Variants in KMT2C observed in about 807,000 individuals in gnomAD.
The protein encoded by KMT2C is lysine methyltransferase 2C, also known as histone-lysine N-methyltransferase 2C.
A neutral mutation model predicts 507.9 loss-of-function variants in KMT2C; 88 were observed. The ratio of observed to expected loss-of-function variants is 0.17; its 90% confidence interval spans 0.15 to 0.21. KMT2C has a LOEUF of 0.21. KMT2C is among the 10% of genes least tolerant of loss of function. The pLI, the probability that KMT2C is intolerant of heterozygous loss-of-function variation, is 1.00. For synonymous variants in KMT2C, 2,049 were observed against 2,080.8 expected (o/e 0.98, Z 0.42); for missense variants, 4,954 against 5,957.8 (o/e 0.83, Z 5.55).
At chr7:152,376,424 T>G (rs1323672133) in intron 1 of KMT2C, among the ~76,000 whole-genome samples, 1 of 152,216 alleles carries the variant, frequency 6.6e-6, no homozygotes, top group Non-Finnish European at 1.5e-5. Context: ...CTAGACCTCT[T>G]GTACCACTCA....
chr7:152,167,002 G>A (rs1467453048), intron 42 of KMT2C, 144 bp downstream of exon 42: 2 of 634,016 alleles, frequency 3.2e-6, no homozygotes, highest in Non-Finnish European at 5.5e-6. Context: ...AGGTCTCAGA[G>A]CTGTCACTTT....
At chr7:152,141,620 G>T (rs1233163194) in intron 55 of KMT2C, among the ~76,000 whole-genome samples, 1 of 147,772 alleles carries the variant, frequency 6.8e-6, no homozygotes, top group East Asian at 2.0e-4. Flanking sequence ...GGCTGAGGCA[G>T]AAGAATCGCT....
At position 152,357,231 on chromosome 7, in the gene KMT2C, A is replaced by G. The variant is rs914497988; in HGVS notation, c.250+1356T>C. On this transcript the variant is annotated intron_variant, in intron 2 of 58. Coordinates refer to ENST00000262189, the MANE Select transcript of KMT2C (RefSeq NM_170606.3). ...GAGAGAGCAAGACTCTGTCTCAAAA[A>G]TAACAACAATAGGCCAGGCACAGTG... Among the ~76,000 whole-genome samples, 5 of 151,796 alleles carry G rather than the reference A, an allele frequency of 3.3e-5. No homozygotes were observed. In the South Asian group the frequency reaches 8.3e-4, roughly 25 times the overall value.
At chr7:152,159,175 A>G (rs972470216) in intron 43 of KMT2C, 103 bp from the exon 44 acceptor site, 1 of 923,494 alleles carries the variant, frequency 1.1e-6, no homozygotes, top group Non-Finnish European at 1.7e-6. Context: ...CATGGCACTA[A>G]AAGGTATTAA....
At chr7:152,226,604 T>C (rs2094941829) in intron 18 of KMT2C, among the ~76,000 whole-genome samples, 2 of 152,236 alleles carry the variant, frequency 1.3e-5, no homozygotes. Context: ...TATTGATTTT[T>C]AAGAATTTGT....
In KMT2C at chr7:152,176,901, G is replaced by C. The variant is rs151261105; in HGVS notation, c.8552C>G (p.Thr2851Ser). ...GTGAGCAGAAGCCTGTGAGCAAGGA[G>C]TGTCAACATTATCTTTATTCTCATC... ...KNDENKDNVD[T>S]PCSQASAHSD... The change falls in exon 38 of 59, where the codon ACT becomes AGT. Residue 2851 changes from threonine (T) to serine (S), a missense_variant. This residue lies in a region of KMT2C where 1,689 missense variants were observed against 1,654.3 expected (regional missense o/e 1.02). Transcript: ENST00000262189. 2.0e-5 allele frequency: 33 copies of C among 1,614,076 alleles called. No homozygotes were observed. In the African/African-American group the frequency reaches 3.6e-4, roughly 18 times the overall value.
chr7:152,365,791 T>G (rs2097237968), intron 1 of KMT2C, among the ~76,000 whole-genome samples: 1 of 152,238 alleles, frequency 6.6e-6, no homozygotes, highest in African/African-American at 2.4e-5. Flanking sequence ...TTATTTCAAT[T>G]GTCTTTCAGG....
chr7:152,276,278 G>A (rs149968650), intron 6 of KMT2C, among the ~76,000 whole-genome samples: 1,837 of 152,188 alleles, frequency 0.012, 42 homozygotes, highest in African/African-American at 0.043. Flanking sequence ...AAAAGTACTT[G>A]TAAAATCGTA....
intron 1 of KMT2C, among the ~76,000 whole-genome samples, chr7:152,415,597 A>G (rs2097726427): frequency 6.6e-6 from 1 of 152,174 alleles, no homozygotes; most frequent in Non-Finnish European, 1.5e-5. Context: ...AAATTCAAAA[A>G]AAGGCTGACG....
intron 18 of KMT2C, among the ~76,000 whole-genome samples, chr7:152,226,777 A>C (rs539589876): frequency 5.7e-4 from 87 of 152,138 alleles, no homozygotes; most frequent in African/African-American, 2.0e-3. Flanking sequence ...CTTTATAAAA[A>C]CTCTGCCAGT....
intron 14 of KMT2C, among the ~76,000 whole-genome samples, chr7:152,246,175 C>T (rs1280911088): frequency 4.0e-5 from 6 of 151,840 alleles, no homozygotes; most frequent in African/African-American, 1.5e-4. Context: ...TCATACTCTC[C>T]CTAATAACAG....
intron 51 of KMT2C, among the ~76,000 whole-genome samples, chr7:152,149,900 C>T (rs991164168): frequency 1.2e-4 from 18 of 151,986 alleles, no homozygotes; most frequent in Non-Finnish European, 2.2e-4. Flanking sequence ...GACTGCACAC[C>T]AACTTAAACT....
At chr7:152,276,410 A>G (rs1045460344) in intron 6 of KMT2C, among the ~76,000 whole-genome samples, 6 of 152,330 alleles carry the variant, frequency 3.9e-5, no homozygotes, top group Non-Finnish European at 8.8e-5. Flanking sequence ...TATATAATAC[A>G]TAAGTAACAA....
intron 6 of KMT2C, among the ~76,000 whole-genome samples, chr7:152,297,437 C>A (rs975276663): frequency 6.6e-6 from 1 of 152,124 alleles, no homozygotes; most frequent in East Asian, 1.9e-4. Context: ...TCAGCATATG[C>A]ATATGAGGAA....
intron 2 of KMT2C, among the ~76,000 whole-genome samples, chr7:152,344,250 G>T (rs545567690): frequency 6.6e-6 from 1 of 152,098 alleles, no homozygotes; most frequent in Non-Finnish European, 1.5e-5. Context: ...AGACCCCAGC[G>T]GATGCCTGAA....
At chr7:152,297,051 A>G (rs187649009) in intron 6 of KMT2C, among the ~76,000 whole-genome samples, 155 of 60,248 alleles carry the variant, frequency 2.6e-3, no homozygotes, top group East Asian at 9.3e-3. Flanking sequence ...GAAAGAAAGA[A>G]AGACAGAGAG....
At chr7:152,141,252 A>C (rs1376868885) in intron 55 of KMT2C, among the ~76,000 whole-genome samples, 5 of 151,948 alleles carry the variant, frequency 3.3e-5, no homozygotes, top group Non-Finnish European at 5.9e-5. Context: ...GAGGCATGAG[A>C]ATCGCTTTAA....
Position 152,355,871 on chromosome 7 carries a change from G to A in KMT2C, c.250+2716C>T, listed in dbSNP as rs188908311. Among the ~76,000 whole-genome samples, 3 of 152,252 alleles carry A rather than the reference G, an allele frequency of 2.0e-5. No individual in the cohort carries two copies. The East Asian group carries it at 5.8e-4, about 29-fold the overall frequency. On this transcript the variant is annotated intron_variant, in intron 2 of 58. Transcript: ENST00000262189. ...AAAGAAGCTGTATAGTACCTAAAAGGGGATGTTGGATCAAGAGAGGCTATT... is the reference window on the plus strand; with the variant it reads ...AAAGAAGCTGTATAGTACCTAAAAGAGGATGTTGGATCAAGAGAGGCTATT...
At chr7:152,244,104 T>G (rs1197784829) in intron 14 of KMT2C, among the ~76,000 whole-genome samples, 2 of 152,240 alleles carry the variant, frequency 1.3e-5, no homozygotes, top group Non-Finnish European at 2.9e-5. Flanking sequence ...ATGACAAATT[T>G]AAAATTTCCA....
Sources: allele counts gnomAD v4.1 joint callset (sites outside exome capture counted in the v4.1 genomes callset), GRCh38; gene constraint gnomAD v4.1.1; regional missense constraint gnomAD v4.1.1; transcripts MANE v1.5; gene names NCBI Gene and HGNC (gene_info 2026-07-23, HGNC 2026-07-21).